PID1: variants seen among roughly 807,000 people sequenced by gnomAD.
PID1 encodes the protein PTB-containing, cubilin and LRP1-interacting protein.
PID1 carries 10 observed loss-of-function variants against 19.1 expected under a neutral mutation model. That is an observed-to-expected ratio of 0.52 (90% CI 0.32 to 0.89). The LOEUF (loss-of-function observed/expected upper bound fraction) is 0.89, where lower values mean the gene tolerates loss of function less well. Ranked by LOEUF, PID1 falls within the 40% of genes least tolerant of loss-of-function variation. The pLI is 0.03. For synonymous variants in PID1, 130 were observed against 116.0 expected (o/e 1.12, Z -0.78); for missense variants, 248 against 285.3 (o/e 0.87, Z 0.94).
intron 1 of PID1, among the ~76,000 whole-genome samples, chr2:229,194,958 G>A (rs914268658): frequency 4.0e-5 from 6 of 151,712 alleles, no homozygotes; most frequent in Non-Finnish European, 5.9e-5. Flanking sequence ...TGATTACTAC[G>A]AAGCAGTTTA....
chr2:229,029,075 A>AG (rs1490594803), intron 2 of PID1, among the ~76,000 whole-genome samples: 3 of 151,928 alleles, frequency 2.0e-5, no homozygotes, highest in Non-Finnish European at 4.4e-5. Flanking sequence ...GACCACCAGG[A>AG]GGGGGAGGGT....
chr2:229,265,357 T>C (rs1411563312), intron 1 of PID1, among the ~76,000 whole-genome samples: 2 of 152,252 alleles, frequency 1.3e-5, no homozygotes, highest in African/African-American at 4.8e-5. Flanking sequence ...CTGGAAGCAT[T>C]GAAATATGCC....
intron 2 of PID1, among the ~76,000 whole-genome samples, chr2:229,046,667 A>C (rs1191245255): frequency 6.6e-6 from 1 of 152,162 alleles, no homozygotes; most frequent in Non-Finnish European, 1.5e-5. Context: ...AGCTTCCAAA[A>C]GCAGACAGGT....
intron 1 of PID1, among the ~76,000 whole-genome samples, chr2:229,261,941 G>C (rs904416387): frequency 6.6e-5 from 10 of 151,766 alleles, no homozygotes; most frequent in Admixed American, 1.3e-4. Context: ...ATAAGAACAG[G>C]CTCTTCACTA....
intron 2 of PID1, among the ~76,000 whole-genome samples, chr2:229,091,169 G>C (rs1056717468): frequency 1.3e-5 from 2 of 151,992 alleles, no homozygotes; most frequent in Non-Finnish European, 2.9e-5. Flanking sequence ...TATGCAAATA[G>C]GGTTAGAATA....
At chr2:229,096,609 T>C (rs1694975353) in intron 2 of PID1, among the ~76,000 whole-genome samples, 1 of 152,150 alleles carries the variant, frequency 6.6e-6, no homozygotes, top group South Asian at 2.1e-4. Context: ...CTTTCCCTTC[T>C]AGTGGTTGAG....
intron 1 of PID1, among the ~76,000 whole-genome samples, chr2:229,221,421 C>T (rs887631): frequency 0.98 from 149,918 of 152,336 alleles, 73,805 homozygotes; most frequent in East Asian, 1. Flanking sequence ...TCCAAAGCCA[C>T]CTAAAGACTT....
At chr2:229,240,969 T>C (rs1256605647) in intron 1 of PID1, among the ~76,000 whole-genome samples, 1 of 152,150 alleles carries the variant, frequency 6.6e-6, no homozygotes, top group Non-Finnish European at 1.5e-5. Flanking sequence ...TTTTCTTCTT[T>C]CTTCTTCAAT....
intron 1 of PID1, among the ~76,000 whole-genome samples, chr2:229,176,177 AC>A (rs1162038849): frequency 1.3e-5 from 2 of 152,154 alleles, no homozygotes; most frequent in East Asian, 1.9e-4. Flanking sequence ...AAAAAACAAA[AC>A]AAAACAAAAA....
chr2:229,157,189 G>A (rs1428556900), intron 1 of PID1, among the ~76,000 whole-genome samples: 4 of 152,252 alleles, frequency 2.6e-5, no homozygotes, highest in African/African-American at 9.6e-5. Context: ...CTTGAAAGTG[G>A]GAGGCCAAGG....
Position 229,025,693 on chromosome 2 carries a change from C to T in PID1, c.593G>A (p.Arg198Gln), listed in dbSNP as rs764261003. Residue 198 changes from arginine to glutamine, a missense_variant, in exon 3 of 3, where the codon CGG (arginine) becomes CAG (glutamine). Arg to Gln is a conservative substitution (Grantham distance 43). Transcript: ENST00000392055. ...KTFHSMKSDGRIHSNSSSEEV... is the reference protein window; with the variant it reads ...KTFHSMKSDGQIHSNSSSEEV... ...TTCGGAGGAGCTGTTGCTGTGGATCCGCCCGTCGCTCTTCATACTGTGGAA... is the reference window on the plus strand; with the variant it reads ...TTCGGAGGAGCTGTTGCTGTGGATCTGCCCGTCGCTCTTCATACTGTGGAA... The T allele has an allele frequency of 1.8e-5, 29 of 1,613,940 alleles. No homozygotes were observed. In the East Asian group the frequency reaches 4.0e-4, roughly 22 times the overall value.
At chr2:229,127,724 A>G (rs1695652447) in intron 2 of PID1, among the ~76,000 whole-genome samples, 1 of 152,172 alleles carries the variant, frequency 6.6e-6, no homozygotes, top group Admixed American at 6.5e-5. Flanking sequence ...ATGTCTCCAG[A>G]CATTGCCAAA....
chr2:229,244,956 A>G (rs1170541257), intron 1 of PID1: 1 of 152,148 alleles, frequency 6.6e-6, no homozygotes. Context: ...TCAAAACTCC[A>G]TAAGCAGAAG....
chr2:229,099,220 T>C (rs1695030272), intron 2 of PID1, among the ~76,000 whole-genome samples: 1 of 152,206 alleles, frequency 6.6e-6, no homozygotes, highest in Non-Finnish European at 1.5e-5. Flanking sequence ...AAATACGTGT[T>C]TCAAACAGTA....
chr2:229,148,516 G>A (rs1199070571), intron 2 of PID1, among the ~76,000 whole-genome samples: 1 of 152,162 alleles, frequency 6.6e-6, no homozygotes, highest in African/African-American at 2.4e-5. Flanking sequence ...TCCTGCTGGG[G>A]ACGAGGAGAT....
chr2:229,173,546 C>G (rs1483542618), intron 1 of PID1, among the ~76,000 whole-genome samples: 2 of 152,202 alleles, frequency 1.3e-5, no homozygotes, highest in African/African-American at 4.8e-5. Flanking sequence ...GAGTCATGCG[C>G]TCTACTGAGT....
At chr2:229,143,962 AG>A (rs1690072703) in intron 2 of PID1, among the ~76,000 whole-genome samples, 2 of 151,932 alleles carry the variant, frequency 1.3e-5, no homozygotes, top group Admixed American at 6.6e-5. Context: ...GGACTAATAC[AG>A]GGGGGAAAGT....
At chr2:229,167,911 T>A (rs1690633676) in intron 1 of PID1, among the ~76,000 whole-genome samples, 1 of 152,190 alleles carries the variant, frequency 6.6e-6, no homozygotes, top group African/African-American at 2.4e-5. Context: ...CACTTGTACA[T>A]TTTCAAATAA....
At chr2:229,204,684 A>G (rs7574317) in intron 1 of PID1, among the ~76,000 whole-genome samples, 146,434 of 152,194 alleles carry the variant, frequency 0.96, 70,710 homozygotes, top group East Asian at 1. Flanking sequence ...AATGATCATG[A>G]GATCTGGACC....
Sources: gnomAD v4.1 joint callset for allele counts (sites outside exome capture counted in the v4.1 genomes callset) on GRCh38, gnomAD v4.1.1 for gene constraint, MANE v1.5 for transcripts, NCBI Gene and HGNC (gene_info 2026-07-23, HGNC 2026-07-21) for gene names.